The following CPA6 variants were observed in gnomAD, a reference collection of about 807,000 sequenced individuals.
CPA6 encodes the protein carboxypeptidase A6.
Under a neutral mutation model 63.3 loss-of-function variants are expected in CPA6, and 58 were observed. The observed-to-expected ratio is 0.92, with a 90% CI of 0.74 to 1.14. The LOEUF (loss-of-function observed/expected upper bound fraction) is 1.14, where lower values mean the gene tolerates loss of function less well. Ranked by LOEUF, CPA6 falls within the 50% of genes most tolerant of loss-of-function variation. CPA6 has a pLI of 0.00. For synonymous variants in CPA6, 185 were observed against 179.0 expected, an observed-to-expected ratio of 1.03 and a Z score of -0.27; for missense variants, 565 against 526.6, an observed-to-expected ratio of 1.07 and a Z score of -0.71.
intron 2 of CPA6, among the ~76,000 whole-genome samples, chr8:67,562,632 G>A (rs1383664413): frequency 6.6e-6 from 1 of 152,188 alleles, no homozygotes; most frequent in Non-Finnish European, 1.5e-5. Flanking sequence ...CTTTTGGGAG[G>A]TGATTAGGTC....
rs144209473 is a variant in CPA6, at chr8:67,678,009, G to A, written c.117-53758C>T. 2.0e-3 allele frequency among the ~76,000 whole-genome samples: 311 copies of A among 152,176 alleles called. 3 individuals carry two copies. The highest frequency in any genetic ancestry group is 6.6e-3 in the African/African-American group (276 of 41,508). ...TCCCAGCACTTTGGGAGTGAGGCAG[G>A]CAGATCACCTGAGGTTAGGGGTTCA... On this transcript the variant is annotated intron_variant, in intron 1 of 10. Transcript: ENST00000297770.
At chr8:67,489,675 T>G (rs1811563309) in intron 6 of CPA6, among the ~76,000 whole-genome samples, 1 of 152,170 alleles carries the variant, frequency 6.6e-6, no homozygotes, top group Non-Finnish European at 1.5e-5. Context: ...AATTATTGGG[T>G]AAAGATACTA....
At chr8:67,556,565 T>C (rs1813065494) in intron 2 of CPA6, among the ~76,000 whole-genome samples, 1 of 152,200 alleles carries the variant, frequency 6.6e-6, no homozygotes, top group Admixed American at 6.5e-5. Context: ...CAATTTCTCC[T>C]GGGGCCAACC....
chr8:67,655,320 T>C (rs558075888), intron 1 of CPA6, among the ~76,000 whole-genome samples: 6 of 152,078 alleles, frequency 3.9e-5, no homozygotes, highest in Non-Finnish European at 8.8e-5. Flanking sequence ...AGCAGTAAAA[T>C]CTCACAACAG....
chr8:67,608,194 C>G (rs1490354719), intron 2 of CPA6, among the ~76,000 whole-genome samples: 1 of 152,218 alleles, frequency 6.6e-6, no homozygotes, highest in Non-Finnish European at 1.5e-5. Context: ...GGCAAGGGCT[C>G]TACCCTCAAG....
At chr8:67,663,905 C>T (rs537731361) in intron 1 of CPA6, among the ~76,000 whole-genome samples, 3 of 152,112 alleles carry the variant, frequency 2.0e-5, no homozygotes, top group Non-Finnish European at 4.4e-5. Flanking sequence ...TTCTTGCTAT[C>T]TAGGTGGAAA....
intron 1 of CPA6, among the ~76,000 whole-genome samples, chr8:67,655,646 T>C (rs1291010848): frequency 6.6e-6 from 1 of 152,044 alleles, no homozygotes; most frequent in Non-Finnish European, 1.5e-5. Flanking sequence ...GCAGATCACA[T>C]AGGCTGATTC....
At chr8:67,646,243 A>G (rs1301185313) in intron 1 of CPA6, among the ~76,000 whole-genome samples, 3 of 152,240 alleles carry the variant, frequency 2.0e-5, no homozygotes. Flanking sequence ...CAGAAAAGAC[A>G]TGAAGATTCC....
chr8:67,626,883 T>A (rs1241143089), intron 1 of CPA6, among the ~76,000 whole-genome samples: 11 of 150,434 alleles, frequency 7.3e-5, no homozygotes, highest in Non-Finnish European at 1.3e-4. Context: ...TTTTTTTTTT[T>A]AAAGATGGAT....
chr8:67,492,697 C>A (rs1036022207), intron 6 of CPA6, among the ~76,000 whole-genome samples: 1 of 152,134 alleles, frequency 6.6e-6, no homozygotes, highest in Non-Finnish European at 1.5e-5. Flanking sequence ...CAGCTTGCGT[C>A]GCCACTTTTA....
intron 1 of CPA6, among the ~76,000 whole-genome samples, chr8:67,724,128 T>C (rs1038356329): frequency 6.6e-6 from 1 of 152,148 alleles, no homozygotes; most frequent in Non-Finnish European, 1.5e-5. Flanking sequence ...CTGACTTTTT[T>C]CCCTCTCTGA....
rs1471709324 is a variant in CPA6, at chr8:67,509,545, T to C, written c.506A>G (p.Tyr169Cys). Residue 169 changes from tyrosine (Y) to cysteine (C), a missense_variant, in exon 5 of 11, where the codon TAT (tyrosine) becomes TGT (cysteine). Coordinates refer to ENST00000297770, the MANE Select transcript of CPA6 (RefSeq NM_020361.5). ...LIHMFSIGRS[Y>C]EGRSLFILKL... ...TAAAATAAAAAGAGATCTTCCCTCA[T>C]ATGATCTTCCAATAGAGAACATGTG... 1 of 1,582,232 alleles carries C rather than the reference T, an allele frequency of 6.3e-7. No individual in the cohort carries two copies. Among genetic ancestry groups the C allele is most frequent in the South Asian group, 1.1e-5 (1 of 88,156 alleles).
chr8:67,453,545 G>T (rs1237248202), intron 8 of CPA6, among the ~76,000 whole-genome samples: 2 of 152,196 alleles, frequency 1.3e-5, no homozygotes, highest in Non-Finnish European at 2.9e-5. Flanking sequence ...GGAGATTTGG[G>T]GGTCATAGGC....
chr8:67,620,397 C>A (rs1459142798), intron 2 of CPA6, among the ~76,000 whole-genome samples: 1 of 152,110 alleles, frequency 6.6e-6, no homozygotes, highest in Non-Finnish European at 1.5e-5. Context: ...TTATTCAGGG[C>A]ATGTACACCA....
intron 1 of CPA6, among the ~76,000 whole-genome samples, chr8:67,634,225 TTG>T (rs1587655961): frequency 2.8e-5 from 4 of 141,502 alleles, no homozygotes; most frequent in Non-Finnish European, 4.5e-5. Flanking sequence ...TATTATTTAT[TTG>T]TTTTTTTTTT....
At chr8:67,745,414 G>A (rs1366708343) in intron 1 of CPA6, among the ~76,000 whole-genome samples, 3 of 152,180 alleles carry the variant, frequency 2.0e-5, no homozygotes, top group African/African-American at 4.8e-5. Flanking sequence ...GCTTACCTAC[G>A]GAGGGGGGAC....
chr8:67,516,910 C>T (rs1268600584), intron 3 of CPA6, among the ~76,000 whole-genome samples: 1 of 152,064 alleles, frequency 6.6e-6, no homozygotes, highest in Non-Finnish European at 1.5e-5. Context: ...GATTCTTCTG[C>T]CTCAGCCCCC....
chr8:67,685,491 C>T lies in CPA6; in HGVS notation c.116+60523G>A, dbSNP rs181714954. Among the ~76,000 whole-genome samples the T allele has an allele frequency of 2.7e-3, 410 of 152,208 alleles. 5 individuals are homozygous for T. Among genetic ancestry groups the T allele is most frequent in the Non-Finnish European group, 2.3e-3 (154 of 67,998 alleles). On this transcript the variant is annotated intron_variant, in intron 1 of 10. Coordinates refer to ENST00000297770, the MANE Select transcript of CPA6 (RefSeq NM_020361.5). ...AAAATTAGCCGGGCATGGTGGCGGG[C>T]GCCTGTAGTTCCAGCTACTAGGGAG...
rs114484102 is a variant in CPA6 at position 67,721,134 on chromosome 8, C to T, written c.116+24880G>A. ...AGTCTAACATATGGAGTTAATGGTG[C>T]CAACTTGCTTCCTTTTATAAGCCCA... On this transcript the variant is annotated intron_variant, in intron 1 of 10. Transcript: ENST00000297770. Among the ~76,000 whole-genome samples, 1,040 of 152,330 alleles carry T rather than the reference C, an allele frequency of 6.8e-3. 7 individuals are homozygous for T. Among genetic ancestry groups the T allele is most frequent in the African/African-American group, 0.024 (981 of 41,580 alleles).
Sources: gnomAD v4.1 joint callset for allele counts (sites outside exome capture counted in the v4.1 genomes callset) on GRCh38, gnomAD v4.1.1 for gene constraint, MANE v1.5 for transcripts, NCBI Gene and HGNC (gene_info 2026-07-23, HGNC 2026-07-21) for gene names.